Variants in B3GAT2 observed in about 807,000 individuals in gnomAD.
B3GAT2 encodes the protein galactosylgalactosylxylosylprotein 3-beta-glucuronosyltransferase 2.
Under a neutral mutation model 27.8 loss-of-function variants are expected in B3GAT2, and 26 were observed. The ratio of observed to expected loss-of-function variants is 0.93; its 90% confidence interval spans 0.68 to 1.30. B3GAT2 has a LOEUF of 1.30. Among genes scored for constraint, B3GAT2 ranks in the 50% most tolerant of loss-of-function variants. The pLI is 0.00. For synonymous variants in B3GAT2, 218 were observed against 195.1 expected (o/e 1.12, Z -0.98); for missense variants, 458 against 459.0 (o/e 1.00, Z 0.02).
intron 2 of B3GAT2, among the ~76,000 whole-genome samples, chr6:70,892,080 A>G (rs1292308720): frequency 6.6e-6 from 1 of 152,202 alleles, no homozygotes; most frequent in South Asian, 2.1e-4. Flanking sequence ...GTCTCCTTAG[A>G]GACACTTTAT....
At chr6:70,910,494 G>A (rs1401171008) in intron 1 of B3GAT2, among the ~76,000 whole-genome samples, 1 of 152,160 alleles carries the variant, frequency 6.6e-6, no homozygotes, top group Non-Finnish European at 1.5e-5. Flanking sequence ...TTGCTGCAAA[G>A]GACATCATCT....
intron 2 of B3GAT2, among the ~76,000 whole-genome samples, chr6:70,884,968 C>T (rs565543903): frequency 5.9e-5 from 9 of 152,338 alleles, no homozygotes; most frequent in African/African-American, 2.2e-4. Context: ...GTAGTCACAG[C>T]AAACAACCTG....
At chr6:70,921,108 T>C (rs1358510232) in intron 1 of B3GAT2, among the ~76,000 whole-genome samples, 1 of 152,162 alleles carries the variant, frequency 6.6e-6, no homozygotes, top group African/African-American at 2.4e-5. Flanking sequence ...GTCTTGGGGA[T>C]GGTTGTCTTG....
At position 70,902,418 on chromosome 6, in the gene B3GAT2, C is replaced by T. The variant is rs1772515748; in HGVS notation, c.592-8146G>A. Reference sequence around the variant, plus strand: ...AAATTGGCATAGCCATTGTAGAGAACAGTATGGAGGCTCTTCAAAATATTA... The same window carrying T: ...AAATTGGCATAGCCATTGTAGAGAATAGTATGGAGGCTCTTCAAAATATTA... On this transcript the variant is annotated intron_variant, in intron 1 of 3. Transcript: ENST00000230053. Among the ~76,000 whole-genome samples, 5 of 151,872 alleles carry T rather than the reference C, an allele frequency of 3.3e-5. 1 individual carries two copies. The South Asian group carries it at 1.0e-3, about 32-fold the overall frequency.
intron 1 of B3GAT2, among the ~76,000 whole-genome samples, chr6:70,949,775 T>C (rs1330878004): frequency 6.6e-6 from 1 of 151,678 alleles, no homozygotes; most frequent in Non-Finnish European, 1.5e-5. Context: ...TGCGGCACTA[T>C]TCACAATAGC....
At chr6:70,948,401 AT>A (rs1177008469) in intron 1 of B3GAT2, among the ~76,000 whole-genome samples, 3 of 148,478 alleles carry the variant, frequency 2.0e-5, no homozygotes, top group Non-Finnish European at 4.5e-5. Context: ...TACAAAATCA[AT>A]GTACAAAAAT....
At chr6:70,921,238 G>A (rs762696068) in intron 1 of B3GAT2, among the ~76,000 whole-genome samples, 8 of 151,886 alleles carry the variant, frequency 5.3e-5, no homozygotes, top group Admixed American at 1.3e-4. Flanking sequence ...CACAGATTTG[G>A]TCTCTACCTA....
chr6:70,859,340 G>T lies in B3GAT2; in HGVS notation c.*2323C>A. 1 of 1,548,556 alleles carries T rather than the reference G, an allele frequency of 6.5e-7. No individual in the cohort carries two copies. The highest frequency in any genetic ancestry group is 8.7e-7 in the Non-Finnish European group (1 of 1,146,084). On this transcript the variant is annotated 3_prime_UTR_variant, in exon 4 of 4. Transcript: ENST00000230053. ...GCTCTTACTTCCAGATAATGCAGAA[G>T]GGTGATGCTGTTCTCCAGCACTCCA...
At chr6:70,911,213 T>G (rs1021438906) in intron 1 of B3GAT2, among the ~76,000 whole-genome samples, 11 of 152,220 alleles carry the variant, frequency 7.2e-5, no homozygotes, top group African/African-American at 2.4e-4. Flanking sequence ...TTTTGGCATC[T>G]TCATCATGAA....
intron 1 of B3GAT2, among the ~76,000 whole-genome samples, chr6:70,939,404 C>A (rs1337955497): frequency 2.1e-4 from 32 of 150,544 alleles, no homozygotes; most frequent in African/African-American, 7.9e-4. Context: ...TGGGTATATA[C>A]CCAAAGGACT....
Position 70,956,367 on chromosome 6 carries a change from G to A in B3GAT2, c.63C>T (p.Ile21=). 6.4e-7 allele frequency: 1 copy of A among 1,561,302 alleles called. No individual in the cohort carries two copies. The highest frequency in any genetic ancestry group is 8.7e-7 in the Non-Finnish European group (1 of 1,152,158). The change falls in exon 1 of 4, where the codon ATC becomes ATT. Residue 21 remains isoleucine (I), a synonymous_variant. Coordinates refer to ENST00000230053, the MANE Select transcript of B3GAT2 (RefSeq NM_080742.3). The part of the protein sequence containing the change: ...ILLPWILIVI[I]MLDVDTRRPV... ...GCCTGCGCGTGTCCACGTCGAGCAT[G>A]ATGATGACAATTAGGATCCAGGGCA...
intron 1 of B3GAT2, among the ~76,000 whole-genome samples, chr6:70,894,815 T>C (rs1772351016): frequency 6.6e-6 from 1 of 152,112 alleles, no homozygotes; most frequent in African/African-American, 2.4e-5. Context: ...AAGAAACACA[T>C]ACCCTAAACA....
At chr6:70,899,007 A>C (rs1772443476) in intron 1 of B3GAT2, among the ~76,000 whole-genome samples, 3 of 152,056 alleles carry the variant, frequency 2.0e-5, no homozygotes, top group Non-Finnish European at 4.4e-5. Context: ...GGAATGAAAA[A>C]CAAATAGAAA....
chr6:70,938,345 T>A (rs1335090317), intron 1 of B3GAT2, among the ~76,000 whole-genome samples: 2 of 147,266 alleles, frequency 1.4e-5, no homozygotes, highest in African/African-American at 5.1e-5. Flanking sequence ...AATTTATAGA[T>A]TCAATGCCAT....
chr6:70,951,681 T>C (rs1277201733), intron 1 of B3GAT2, among the ~76,000 whole-genome samples: 1 of 152,106 alleles, frequency 6.6e-6, no homozygotes, highest in Non-Finnish European at 1.5e-5. Flanking sequence ...CGAACCATAA[T>C]TCAAATACTG....
intron 1 of B3GAT2, among the ~76,000 whole-genome samples, chr6:70,918,605 C>A (rs1013911406): frequency 1.3e-4 from 20 of 152,272 alleles, no homozygotes; most frequent in African/African-American, 4.8e-4. Flanking sequence ...GACAAAATCT[C>A]TCAGCATTTG....
intron 2 of B3GAT2, among the ~76,000 whole-genome samples, chr6:70,884,292 C>T (rs1042429684): frequency 6.6e-6 from 1 of 152,114 alleles, no homozygotes; most frequent in Non-Finnish European, 1.5e-5. Flanking sequence ...GAGTATACAG[C>T]TCGGCATCCC....
chr6:70,858,296 T>TTG lies in B3GAT2; in HGVS notation c.*3366_*3367insCA. 6.6e-6 allele frequency: 8 copies of TTG among 1,217,802 alleles called. No individual in the cohort carries two copies. The highest frequency in any genetic ancestry group is 8.8e-6 in the Non-Finnish European group (8 of 913,188). 75.4% of individuals were successfully genotyped at this position (1,217,802 alleles called of 1,614,324 possible). A position where few individuals can be genotyped will look rare whatever the true frequency, so the allele number is the denominator to read the frequency against. ...GATTTATTTTCTAAATCTTTTTTTTTTTTTTTTTTTTTTTTTTTTAAGTCT... is the reference window on the plus strand; with the variant it reads ...GATTTATTTTCTAAATCTTTTTTTTTTGTTTTTTTTTTTTTTTTTTTAAGTCT... On this transcript the variant is annotated 3_prime_UTR_variant, in exon 4 of 4. Coordinates refer to ENST00000230053, the MANE Select transcript of B3GAT2 (RefSeq NM_080742.3).
intron 1 of B3GAT2, among the ~76,000 whole-genome samples, chr6:70,921,788 A>G (rs547367523): frequency 6.6e-6 from 1 of 152,114 alleles, no homozygotes; most frequent in East Asian, 1.9e-4. Flanking sequence ...ATTCTTTGAT[A>G]TTCTTGAGGG....
Sources: allele counts gnomAD v4.1 joint callset (sites outside exome capture counted in the v4.1 genomes callset), GRCh38; gene constraint gnomAD v4.1.1; transcripts MANE v1.5; gene names NCBI Gene and HGNC (gene_info 2026-07-23, HGNC 2026-07-21).